KCNQ5: variants seen among roughly 807,000 people sequenced by gnomAD.
KCNQ5 encodes the protein potassium voltage-gated channel subfamily KQT member 5.
KCNQ5 carries 30 observed loss-of-function variants against 98.2 expected under a neutral mutation model. That is an observed-to-expected ratio of 0.31 (90% CI 0.23 to 0.41). KCNQ5 has a LOEUF of 0.41. KCNQ5 is among the 10% of genes least tolerant of loss of function. The pLI is 1.00. For synonymous variants in KCNQ5, 458 were observed against 449.4 expected (o/e 1.02, Z -0.24); for missense variants, 835 against 1,182.5 (o/e 0.71, Z 4.31).
At chr6:73,093,360 TG>T (rs1774336695) in intron 5 of KCNQ5, among the ~76,000 whole-genome samples, 1 of 152,130 alleles carries the variant, frequency 6.6e-6, no homozygotes, top group African/African-American at 2.4e-5. Flanking sequence ...ACCAGCTTTT[TG>T]TTTCATTTAT....
intron 1 of KCNQ5, among the ~76,000 whole-genome samples, chr6:72,772,152 A>C (rs1250359529): frequency 6.6e-6 from 1 of 152,138 alleles, no homozygotes; most frequent in Admixed American, 6.6e-5. Context: ...CAAATTCTCT[A>C]TCTTGACTTA....
intron 1 of KCNQ5, among the ~76,000 whole-genome samples, chr6:72,880,115 G>C (rs559794044): frequency 6.6e-6 from 1 of 152,130 alleles, no homozygotes; most frequent in Non-Finnish European, 1.5e-5. Context: ...TTTATGGTTT[G>C]TTTGGAAAAT....
intron 4 of KCNQ5, 38 bp downstream of exon 4, chr6:73,077,535 G>T: frequency 6.4e-7 from 1 of 1,568,918 alleles, no homozygotes; most frequent in Non-Finnish European, 8.6e-7. Flanking sequence ...CACAATTTTT[G>T]AAACTTTTTC....
chr6:72,666,435 GAA>G (rs1202946356), intron 1 of KCNQ5, among the ~76,000 whole-genome samples: 1 of 152,140 alleles, frequency 6.6e-6, no homozygotes. Context: ...ACTTAAAAAT[GAA>G]AGAGCATTTA....
intron 11 of KCNQ5, among the ~76,000 whole-genome samples, chr6:73,176,559 T>C (rs1454755663): frequency 6.6e-6 from 1 of 152,224 alleles, no homozygotes; most frequent in East Asian, 1.9e-4. Flanking sequence ...ATGACTCTGA[T>C]TGCAATGTAA....
chr6:73,093,982 G>T (rs1774364519), intron 5 of KCNQ5, among the ~76,000 whole-genome samples: 1 of 152,184 alleles, frequency 6.6e-6, no homozygotes, highest in Non-Finnish European at 1.5e-5. Context: ...TTGATTATCT[G>T]TCCAGTGCTG....
Position 72,889,959 on chromosome 6 carries a change from G to A in KCNQ5, c.399-113949G>A, listed in dbSNP as rs184287942. 1.4e-4 allele frequency among the ~76,000 whole-genome samples: 22 copies of A among 152,282 alleles called. No individual in the cohort carries two copies. The East Asian group carries it at 2.3e-3, about 16-fold the overall frequency. On this transcript the variant is annotated intron_variant, in intron 1 of 13. Transcript: ENST00000370398. The stretch of plus-strand genomic sequence containing the variant: ...ATGAATATGTAGGGTACAAGGCAGA[G>A]AGAACTGAATTCAGTCAGAGCTGAA...
rs1234203681 is a variant in KCNQ5, at chr6:73,027,143, C to A, written c.490-14793C>A. ...GGAGAAAGAGGCAAGTAGGCCTTAT[C>A]TACTGGGATAGGTCTACCTTTTAGT... On this transcript the variant is annotated intron_variant, in intron 2 of 13. Coordinates refer to ENST00000370398, the MANE Select transcript of KCNQ5 (RefSeq NM_019842.4). Among the ~76,000 whole-genome samples, 3 of 152,166 alleles carry A rather than the reference C, an allele frequency of 2.0e-5. 1 individual carries two copies. Among genetic ancestry groups the A allele is most frequent in the Admixed American group, 6.5e-5 (1 of 15,282 alleles).
intron 2 of KCNQ5, among the ~76,000 whole-genome samples, chr6:73,018,938 G>A (rs1015158466): frequency 2.0e-5 from 3 of 152,186 alleles, no homozygotes; most frequent in African/African-American, 4.8e-5. Context: ...TTGGATACTC[G>A]CTCTTCCTTG....
chr6:72,664,188 G>A (rs10943051), intron 1 of KCNQ5, among the ~76,000 whole-genome samples: 18,321 of 152,214 alleles, frequency 0.12, 1,227 homozygotes, highest in South Asian at 0.17. Context: ...ATGTGATAGG[G>A]AAGTGCAAGA....
intron 1 of KCNQ5, among the ~76,000 whole-genome samples, chr6:72,733,995 G>A (rs1183439267): frequency 8.1e-6 from 1 of 122,834 alleles, no homozygotes; most frequent in Non-Finnish European, 1.5e-5. Flanking sequence ...TGTGAAGGGA[G>A]GATAAGGGAC....
At chr6:72,935,576 A>T (rs754542533) in intron 1 of KCNQ5, among the ~76,000 whole-genome samples, 2 of 152,036 alleles carry the variant, frequency 1.3e-5, no homozygotes, top group Non-Finnish European at 2.9e-5. Flanking sequence ...ATCTTGTATC[A>T]TTCTCACCAG....
intron 1 of KCNQ5, among the ~76,000 whole-genome samples, chr6:72,851,732 C>A (rs969792768): frequency 4.6e-5 from 7 of 151,962 alleles, no homozygotes; most frequent in Non-Finnish European, 7.4e-5. Flanking sequence ...ACTTTAGGGG[C>A]AAATTAATAC....
chr6:72,836,462 CAGGGTCACTCA>C (rs1187783546), intron 1 of KCNQ5, among the ~76,000 whole-genome samples: 13 of 152,130 alleles, frequency 8.5e-5, no homozygotes, highest in African/African-American at 3.1e-4. Context: ...ATATTTGAGA[CAGGGTCACTCA>C]ATCACCCAGG....
intron 1 of KCNQ5, among the ~76,000 whole-genome samples, chr6:72,623,342 C>T (rs1463823189): frequency 6.7e-6 from 1 of 149,254 alleles, no homozygotes; most frequent in African/African-American, 2.5e-5. Context: ...TCGCCTCTGA[C>T]AGAGATCGGG....
chr6:73,108,856 T>A (rs1388128556), intron 6 of KCNQ5, among the ~76,000 whole-genome samples: 1 of 152,118 alleles, frequency 6.6e-6, no homozygotes, highest in East Asian at 1.9e-4. Flanking sequence ...AAAAATAGGA[T>A]GTCTTTCAGC....
intron 1 of KCNQ5, among the ~76,000 whole-genome samples, chr6:72,997,030 G>T (rs961093821): frequency 6.6e-6 from 1 of 152,128 alleles, no homozygotes; most frequent in African/African-American, 2.4e-5. Context: ...CAAGGAGAGC[G>T]AACTCAGGAG....
At chr6:72,986,766 A>AG in intron 1 of KCNQ5, 1 of 1,478,434 alleles carries the variant, frequency 6.8e-7, no homozygotes, top group Non-Finnish European at 9.4e-7. Context: ...GACCCCAGAC[A>AG]GGGTGAAGAG....
intron 10 of KCNQ5, among the ~76,000 whole-genome samples, chr6:73,138,966 T>C (rs1289650028): frequency 6.6e-6 from 1 of 152,174 alleles, no homozygotes; most frequent in East Asian, 1.9e-4. Context: ...TAAACTATAA[T>C]GCAATTTATA....
Sources: gnomAD v4.1 joint callset for allele counts (sites outside exome capture counted in the v4.1 genomes callset) on GRCh38, gnomAD v4.1.1 for gene constraint, MANE v1.5 for transcripts, NCBI Gene and HGNC (gene_info 2026-07-23, HGNC 2026-07-21) for gene names.